Variants in TM6SF2 observed in about 807,000 individuals in gnomAD.
TM6SF2 encodes transmembrane 6 superfamily member 2.
Under a neutral mutation model 41.0 loss-of-function variants are expected in TM6SF2, and 29 were observed. That is an observed-to-expected ratio of 0.71 (90% CI 0.53 to 0.96). The LOEUF is 0.96. Among genes scored for constraint, TM6SF2 ranks in the 50% least tolerant of loss-of-function variants. The pLI is 0.00. For missense variants in TM6SF2, 475 were observed against 499.0 expected (o/e 0.95, Z 0.46); for synonymous variants, 200 against 209.1 (o/e 0.96, Z 0.37).
intron 1 of TM6SF2, among the ~76,000 whole-genome samples, chr19:19,272,699 GT>G (rs2061028601): frequency 7.5e-6 from 1 of 133,532 alleles, no homozygotes; most frequent in African/African-American, 3.5e-5. Context: ...TAGGGTGTGT[GT>G]GTGTGTGTGT....
chr19:19,266,832 C>A lies in TM6SF2; in HGVS notation c.805-223G>T, dbSNP rs368449833. On this transcript the variant is annotated intron_variant, in intron 8 of 9. Coordinates refer to ENST00000389363, the MANE Select transcript of TM6SF2 (RefSeq NM_001001524.3). ...CTAACCTTTCTCTGAAAGTGGCATG[C>A]GACCCTGGCCTAGCCAGTCGGAGCA... The A allele has an allele frequency of 2.5e-4, 117 of 474,964 alleles. No homozygotes were observed. The East Asian group carries it at 4.6e-3, about 19-fold the overall frequency. The allele number at this position is 474,964 out of a possible 1,614,324, so 29.4% of individuals were successfully genotyped here. A position where few individuals can be genotyped will look rare whatever the true frequency, so the allele number is the denominator to read the frequency against.
rs1359257539 is a variant in TM6SF2 at position 19,268,768 on chromosome 19, G to C, written c.485-14C>G. The stretch of plus-strand genomic sequence containing the variant: ...AGCTGTATTTGCCTTCCATGGTGCA[G>C]GAGAGAGGGCATCAGCCATGCCAGA... On this transcript the variant is annotated splice_polypyrimidine_tract_variant and intron_variant, in intron 5 of 9. Coordinates refer to ENST00000389363, the MANE Select transcript of TM6SF2 (RefSeq NM_001001524.3). 6.3e-7 allele frequency: 1 copy of C among 1,583,174 alleles called. No homozygotes were observed. Among genetic ancestry groups the C allele is most frequent in the African/African-American group, 1.4e-5 (1 of 72,422 alleles).
intron 9 of TM6SF2, among the ~76,000 whole-genome samples, chr19:19,265,479 C>T (rs1270984077): frequency 6.6e-6 from 1 of 151,942 alleles, no homozygotes; most frequent in Admixed American, 6.6e-5. Context: ...AGTGCAGTGG[C>T]ACAATCATGG....
chr19:19,268,387 G>A (rs550263833), intron 6 of TM6SF2, among the ~76,000 whole-genome samples: 1 of 151,386 alleles, frequency 6.6e-6, no homozygotes, highest in African/African-American at 2.4e-5. Flanking sequence ...TTAACTTTTT[G>A]TAGAGTTAAA....
intron 9 of TM6SF2, 110 bp from the exon 10 acceptor site, chr19:19,264,983 C>T (rs1286103737): frequency 3.2e-6 from 2 of 619,158 alleles, no homozygotes; most frequent in East Asian, 6.7e-5. Flanking sequence ...GATGCCCATC[C>T]CCACCTCTCG....
intron 9 of TM6SF2, among the ~76,000 whole-genome samples, chr19:19,265,618 C>T (rs2061000970): frequency 6.6e-6 from 1 of 152,058 alleles, no homozygotes; most frequent in African/African-American, 2.4e-5. Flanking sequence ...AGGTTTTTGC[C>T]ATGTTGCCTA....
intron 1 of TM6SF2, among the ~76,000 whole-genome samples, chr19:19,271,518 TTTTC>T (rs1161343096): frequency 6.6e-6 from 1 of 151,982 alleles, no homozygotes; most frequent in Middle Eastern, 3.2e-3. Context: ...CTTTTTTTCT[TTTTC>T]TTTCTTTCTC....
chr19:19,273,061 T>TGGGC, intron 1 of TM6SF2, 60 bp downstream of exon 1: 3 of 305,452 alleles, frequency 9.8e-6, no homozygotes, highest in South Asian at 2.9e-5. Flanking sequence ...CCTCCAGTCC[T>TGGGC]CCCCGCCCCC....
At chr19:19,268,577 C>A in intron 6 of TM6SF2, 53 bp downstream of exon 6, 1 of 1,512,494 alleles carries the variant, frequency 6.6e-7, no homozygotes, top group Non-Finnish European at 8.8e-7. Context: ...GCAACTGACA[C>A]GGGGAAAGTT....
At chr19:19,271,526 C>A (rs1268388401) in intron 1 of TM6SF2, among the ~76,000 whole-genome samples, 2 of 150,676 alleles carry the variant, frequency 1.3e-5, no homozygotes, top group African/African-American at 2.4e-5. Flanking sequence ...CTTTTTCTTT[C>A]TTTCTCTCTC....
rs767437386 is a variant in TM6SF2 at position 19,268,659 on chromosome 19, G to A, written c.580C>T (p.Arg194Trp). Residue 194 changes from arginine (R) to tryptophan (W), a missense_variant, in exon 6 of 10, where the codon CGG becomes TGG. Around this residue, in one of 3 missense-constraint regions of TM6SF2, gnomAD observed 47 missense variants for 80.3 expected, o/e 0.59. Transcript: ENST00000389363. ...WAGMKVFSQP[R>W]ALTRCTANMV... is the part of the protein sequence containing the mutation. ...TTGGCGGTGCAGCGGGTTAGCGCCCGGGGCTGGCTGAAGACCTTCATGCCA... is the reference window on the plus strand; with the variant it reads ...TTGGCGGTGCAGCGGGTTAGCGCCCAGGGCTGGCTGAAGACCTTCATGCCA... The A allele has an allele frequency of 6.9e-6, 11 of 1,588,962 alleles. No homozygotes were observed. The highest frequency in any genetic ancestry group is 2.3e-5 in the East Asian group (1 of 43,342).
At position 19,273,295 on chromosome 19, in the gene TM6SF2, C is replaced by G; in HGVS notation, c.-80G>C. ...CTCCTCGTTGGCGGCGAGTCCGGGC[C>G]GAGGCTGCCAGGGACCCGCCCCGCA... is the stretch of plus-strand genomic sequence containing the variant. On this transcript the variant is annotated 5_prime_UTR_variant, in exon 1 of 10. Transcript: ENST00000389363. The G allele has an allele frequency of 8.8e-7, 1 of 1,140,038 alleles. No homozygotes were observed. Among genetic ancestry groups the G allele is most frequent in the Non-Finnish European group, 1.1e-6 (1 of 879,364 alleles). The allele number at this position is 1,140,038 out of a possible 1,614,324, so 70.6% of individuals were successfully genotyped here. A position where few individuals can be genotyped will look rare whatever the true frequency, so the allele number is the denominator to read the frequency against.
In TM6SF2 at chr19:19,273,203, G is replaced by T. The variant is rs1209478584; in HGVS notation, c.13C>A (p.Pro5Thr). 2.1e-6 allele frequency: 3 copies of T among 1,446,748 alleles called. No homozygotes were observed. The highest frequency in any genetic ancestry group is 2.7e-6 in the Non-Finnish European group (3 of 1,102,602). 89.6% of individuals were successfully genotyped at this position (1,446,748 alleles called of 1,614,324 possible). MDIP[P>T]LAGKIAALSL... The stretch of plus-strand genomic sequence containing the variant: ...AGCGCCGCGATCTTGCCGGCCAGCG[G>T]CGGGATGTCCATAGCGGCGGCTGCT... Residue 5 changes from proline to threonine, a missense_variant, in exon 1 of 10, where the codon CCG becomes ACG. Around this residue, in one of 3 missense-constraint regions of TM6SF2, gnomAD observed 238 missense variants for 228.6 expected, o/e 1.04. Coordinates refer to ENST00000389363, the MANE Select transcript of TM6SF2 (RefSeq NM_001001524.3).
intron 4 of TM6SF2, 120 bp from the exon 5 acceptor site, chr19:19,269,889 A>T: frequency 1.9e-6 from 3 of 1,572,368 alleles, no homozygotes; most frequent in Non-Finnish European, 1.7e-6. Context: ...TTTGCCCAGG[A>T]TGGAAGGGAC....
At chr19:19,268,800 C>A in intron 5 of TM6SF2, 46 bp from the exon 6 acceptor site, 1 of 1,535,836 alleles carries the variant, frequency 6.5e-7, no homozygotes, top group Non-Finnish European at 8.7e-7. Flanking sequence ...CAGAACCCTG[C>A]TGGACATCTG....
At chr19:19,273,061 T>TTGCCCCCCCCCCCCCCCCCCCCCCC in intron 1 of TM6SF2, 60 bp downstream of exon 1, 1 of 305,470 alleles carries the variant, frequency 3.3e-6, no homozygotes, top group Non-Finnish European at 6.1e-6. Context: ...CCTCCAGTCC[T>TTGCCCCCCCCCCCCCCCCCCCCCCC]CCCCGCCCCC....
rs749132467 is a variant in TM6SF2 at position 19,266,617 on chromosome 19, G to A, written c.805-8C>T. ...AAACATGTACATCAGCATCTGCAGG[G>A]GCGGGAGGAGAGGGGCACCAGCCTG... On this transcript the variant is annotated splice_polypyrimidine_tract_variant and splice_region_variant and intron_variant, in intron 8 of 9. Coordinates refer to ENST00000389363, the MANE Select transcript of TM6SF2 (RefSeq NM_001001524.3). 6.2e-7 allele frequency: 1 copy of A among 1,610,072 alleles called. No homozygotes were observed. The highest frequency in any genetic ancestry group is 1.1e-5 in the South Asian group (1 of 90,780).
intron 9 of TM6SF2, among the ~76,000 whole-genome samples, chr19:19,266,072 G>A (rs778506705): frequency 3.9e-5 from 6 of 152,066 alleles, no homozygotes; most frequent in African/African-American, 7.2e-5. Flanking sequence ...TAGTCCCAGA[G>A]TTCAAAGCCT....
chr19:19,270,278 T>G lies in TM6SF2; in HGVS notation c.298-2A>C. ...CGCTGTGCGCAGGTATGGCTCTCCC[T>G]GTGGGGGCAGGTGGGAGACTCAGAC... On this transcript the variant is annotated splice_acceptor_variant, in intron 3 of 9. Coordinates refer to ENST00000389363, the MANE Select transcript of TM6SF2 (RefSeq NM_001001524.3). LOFTEE classifies it high-confidence loss of function. 2 of 1,614,200 alleles carry G rather than the reference T, an allele frequency of 1.2e-6. No homozygotes were observed. Among genetic ancestry groups the G allele is most frequent in the Non-Finnish European group, 1.7e-6 (2 of 1,180,028 alleles).
Sources: gnomAD v4.1 joint callset for allele counts (sites outside exome capture counted in the v4.1 genomes callset) on GRCh38, gnomAD v4.1.1 for gene constraint, gnomAD v4.1.1 regional missense constraint, MANE v1.5 for transcripts, NCBI Gene and HGNC (gene_info 2026-07-23, HGNC 2026-07-21) for gene names.